Variants in CHRM2 observed in about 807,000 individuals in gnomAD.
CHRM2 encodes the protein muscarinic acetylcholine receptor M2.
CHRM2 carries 8 observed loss-of-function variants against 25.0 expected under a neutral mutation model. That is an observed-to-expected ratio of 0.32 (90% CI 0.19 to 0.58). CHRM2 has a LOEUF of 0.58. CHRM2 is among the 20% of genes least tolerant of loss of function. The probability of loss-of-function intolerance (pLI) is 0.88; values close to 1 mark genes in which losing one functional copy is unlikely to be tolerated. For missense variants in CHRM2, 440 were observed against 567.1 expected, an observed-to-expected ratio of 0.78 and a Z score of 2.28; for synonymous variants, 202 against 205.7, an observed-to-expected ratio of 0.98 and a Z score of 0.15.
intron 2 of CHRM2, among the ~76,000 whole-genome samples, chr7:136,923,623 T>C (rs1003186375): frequency 8.5e-5 from 13 of 152,166 alleles, no homozygotes; most frequent in African/African-American, 2.7e-4. Context: ...CACACTAAAA[T>C]CTCAACTTGC....
At chr7:136,930,930 A>G (rs929825038) in intron 2 of CHRM2, among the ~76,000 whole-genome samples, 8 of 142,546 alleles carry the variant, frequency 5.6e-5, no homozygotes, top group Non-Finnish European at 7.7e-5. Context: ...AAAAAAAAGG[A>G]TAGAAAGATC....
intron 3 of CHRM2, among the ~76,000 whole-genome samples, chr7:136,994,652 A>T (rs1803471312): frequency 6.7e-6 from 1 of 150,098 alleles, no homozygotes; most frequent in South Asian, 2.1e-4. Flanking sequence ...CTTTTTCAAC[A>T]AAGAAAGACG....
intron 2 of CHRM2, among the ~76,000 whole-genome samples, chr7:136,933,503 A>G (rs1166750363): frequency 6.6e-6 from 1 of 152,194 alleles, no homozygotes; most frequent in Non-Finnish European, 1.5e-5. Context: ...AGTTGCAGCC[A>G]CTTTGGAAAA....
intron 2 of CHRM2, among the ~76,000 whole-genome samples, chr7:136,968,721 AATATATATATATAT>A (rs57962090): frequency 7.0e-6 from 1 of 142,480 alleles, no homozygotes; most frequent in Non-Finnish European, 1.5e-5. Flanking sequence ...TATTATCATA[AATATATATATATAT>A]ATATATATAC....
intron 2 of CHRM2, among the ~76,000 whole-genome samples, chr7:136,959,458 G>C (rs1800931713): frequency 6.6e-6 from 1 of 152,318 alleles, no homozygotes; most frequent in South Asian, 2.1e-4. Flanking sequence ...CTCCATAAGA[G>C]TGTAAATGTA....
At chr7:136,948,060 C>T (rs1400286533) in intron 2 of CHRM2, among the ~76,000 whole-genome samples, 5 of 152,100 alleles carry the variant, frequency 3.3e-5, no homozygotes, top group African/African-American at 1.2e-4. Context: ...GGATTGTATG[C>T]AGCAGTAGGC....
intron 2 of CHRM2, among the ~76,000 whole-genome samples, chr7:136,890,065 AT>A (rs1004558576): frequency 3.9e-5 from 6 of 152,134 alleles, no homozygotes; most frequent in Non-Finnish European, 7.3e-5. Context: ...TCCTACATAT[AT>A]TTTTTTCTAA....
chr7:136,987,818 A>G (rs968044385), intron 2 of CHRM2, among the ~76,000 whole-genome samples: 1 of 152,194 alleles, frequency 6.6e-6, no homozygotes, highest in African/African-American at 2.4e-5. Context: ...TCGGACTTCA[A>G]TTAAGTCCAT....
chr7:136,999,448 G>T (rs324634), intron 3 of CHRM2, among the ~76,000 whole-genome samples: 21,118 of 151,774 alleles, frequency 0.14, 1,767 homozygotes, highest in African/African-American at 0.21. Context: ...ACAATGTGCA[G>T]GTTTGTTACA....
intron 2 of CHRM2, among the ~76,000 whole-genome samples, chr7:136,904,229 C>A (rs1229479249): frequency 6.6e-6 from 1 of 151,772 alleles, no homozygotes; most frequent in Non-Finnish European, 1.5e-5. Context: ...GAACGATGAT[C>A]AATTCTCTAA....
At chr7:136,938,714 AC>A (rs1363988199) in intron 2 of CHRM2, among the ~76,000 whole-genome samples, 2 of 151,754 alleles carry the variant, frequency 1.3e-5, no homozygotes, top group African/African-American at 4.8e-5. Flanking sequence ...GTAGGACTGT[AC>A]CCCTCCTGCG....
intron 2 of CHRM2, among the ~76,000 whole-genome samples, chr7:136,876,148 A>G (rs1409134541): frequency 6.6e-6 from 1 of 152,224 alleles, no homozygotes; most frequent in Non-Finnish European, 1.5e-5. Flanking sequence ...CAATATAATA[A>G]TAATGACATT....
In CHRM2 at chr7:136,869,300, TA is replaced by T; in HGVS notation, c.-241del. The T allele has an allele frequency of 6.6e-6, 1 of 152,656 alleles. No homozygotes were observed. Among genetic ancestry groups the T allele is most frequent in the Non-Finnish European group, 1.5e-5 (1 of 68,320 alleles). The allele number at this position is 152,656 out of a possible 1,614,324, so 9.5% of individuals were successfully genotyped here. A position where few individuals can be genotyped will look rare whatever the true frequency, so the allele number is the denominator to read the frequency against. Reference sequence around the variant, plus strand: ...AGAACCGGCAGCTGGCCTCGGACTCTAAGCGGTGCGCAGCTCCAGCCCGAGC... The same window carrying T: ...AGAACCGGCAGCTGGCCTCGGACTCTAGCGGTGCGCAGCTCCAGCCCGAGC... On this transcript the variant is annotated 5_prime_UTR_variant, in exon 2 of 4. The change abolishes the stop of an existing upstream ORF in the 5' untranslated region. Transcript: ENST00000680005. The surrounding 1 kb of genome is among the most constrained non-coding windows in gnomAD (Gnocchi z 4.9).
intron 2 of CHRM2, chr7:136,903,316 A>C (rs748443113): frequency 1.9e-6 from 1 of 521,522 alleles, no homozygotes; most frequent in Non-Finnish European, 3.9e-6. Flanking sequence ...CCAAGAACTA[A>C]ATGGGTGTCT....
In CHRM2 at chr7:136,938,468, G is replaced by A. The variant is rs150297808; in HGVS notation, c.-124-53719G>A. ...TTGATCTGCTCCTTCCCCTGGATGC[G>A]CACGGCCTGGATGTTGGGGTTCACC... On this transcript the variant is annotated intron_variant, in intron 2 of 3. Coordinates refer to ENST00000680005, the MANE Select transcript of CHRM2 (RefSeq NM_001006630.2). The A allele has an allele frequency of 3.5e-5, 40 of 1,139,970 alleles. 1 individual carries two copies. The Admixed American group carries it at 3.7e-4, about 11-fold the overall frequency. 70.6% of individuals were successfully genotyped at this position (1,139,970 alleles called of 1,614,324 possible).
At chr7:136,928,744 C>T (rs557091225) in intron 2 of CHRM2, among the ~76,000 whole-genome samples, 1 of 152,264 alleles carries the variant, frequency 6.6e-6, no homozygotes, top group African/African-American at 2.4e-5. Flanking sequence ...GATTTAGAAT[C>T]AGATACCTCA....
chr7:136,874,336 TCTTA>T (rs1180644117), intron 2 of CHRM2, among the ~76,000 whole-genome samples: 2 of 152,290 alleles, frequency 1.3e-5, no homozygotes, highest in Admixed American at 1.3e-4. Flanking sequence ...TATATCTTTG[TCTTA>T]CTTTATTTAT....
chr7:136,910,830 T>TGA (rs1554414700), intron 2 of CHRM2, among the ~76,000 whole-genome samples: 2,568 of 149,678 alleles, frequency 0.017, 46 homozygotes, highest in African/African-American at 0.046. Context: ...TGTGTGTGTG[T>TGA]GAGAGAGAGA....
intron 2 of CHRM2, among the ~76,000 whole-genome samples, chr7:136,918,844 T>C (rs1000829103): frequency 5.3e-5 from 8 of 152,114 alleles, no homozygotes; most frequent in Non-Finnish European, 8.8e-5. Flanking sequence ...TGTTCTCTCC[T>C]TGGAGAGAAC....
Sources: gnomAD v4.1 joint callset for allele counts (sites outside exome capture counted in the v4.1 genomes callset) on GRCh38, gnomAD v4.1.1 for gene constraint, Gnocchi (gnomAD v3.1) non-coding constraint, MANE v1.5 for transcripts, NCBI Gene and HGNC (gene_info 2026-07-23, HGNC 2026-07-21) for gene names.